KIAA2012: variants seen among roughly 807,000 people sequenced by gnomAD.
KIAA2012 encodes the protein uncharacterized protein KIAA2012.
A neutral mutation model predicts 150.6 loss-of-function variants in KIAA2012; 125 were observed. The observed-to-expected ratio is 0.83, with a 90% CI of 0.72 to 0.96. The LOEUF (loss-of-function observed/expected upper bound fraction) is 0.96, where lower values mean the gene tolerates loss of function less well. KIAA2012 is among the 40% of genes least tolerant of loss of function. The pLI is 0.00. For synonymous variants in KIAA2012, 462 were observed against 504.7 expected, an observed-to-expected ratio of 0.92 and a Z score of 1.13; for missense variants, 1,219 against 1,354.9, an observed-to-expected ratio of 0.90 and a Z score of 1.57.
chr2:202,085,346 G>A (rs1016319583), intron 2 of KIAA2012, among the ~76,000 whole-genome samples: 3 of 152,200 alleles, frequency 2.0e-5, no homozygotes, highest in Admixed American at 6.5e-5. Flanking sequence ...GCCTCGAAAT[G>A]GGGATATTAT....
intron 12 of KIAA2012, chr2:202,136,390 G>C (rs1247096954): frequency 6.5e-6 from 1 of 152,960 alleles, no homozygotes; most frequent in Non-Finnish European, 1.5e-5. Context: ...GAGCTGATTG[G>C]TCCGTTTTGA....
At chr2:202,174,423 C>T (rs1223210423) in intron 15 of KIAA2012, among the ~76,000 whole-genome samples, 1 of 152,022 alleles carries the variant, frequency 6.6e-6, no homozygotes, top group Non-Finnish European at 1.5e-5. Context: ...GTATTATTTC[C>T]AGACTATATT....
chr2:202,100,281 T>C, intron 6 of KIAA2012, 26 bp from the exon 7 acceptor site: 1 of 1,545,230 alleles, frequency 6.5e-7, no homozygotes, highest in Non-Finnish European at 8.7e-7. Context: ...AATTAATATA[T>C]TCTCATTCTC....
chr2:202,114,077 A>G (rs1458504469), intron 11 of KIAA2012: 2 of 152,392 alleles, frequency 1.3e-5, no homozygotes, highest in East Asian at 3.8e-4. Flanking sequence ...GGAGATTAAA[A>G]GCTGCACTCA....
Position 202,074,999 on chromosome 2 carries a change from A to G in KIAA2012, c.193A>G (p.Ser65Gly), listed in dbSNP as rs1689291429. 6.4e-7 allele frequency: 1 copy of G among 1,550,628 alleles called. No individual in the cohort carries two copies. The highest frequency in any genetic ancestry group is 1.4e-5 in the African/African-American group (1 of 73,040). The change falls in exon 2 of 24, where the codon AGT becomes GGT. Residue 65 changes from serine (S) to glycine (G), a missense_variant. Transcript: ENST00000498697. ...SWSLFLPKTFSTRKGALILYS... is the reference protein window; with the variant it reads ...SWSLFLPKTFGTRKGALILYS... ...GAGCCTCTTTCTCCCTAAAACTTTC[A>G]GTACTAGAAAGGGTGCCCTGATCCT...
intron 15 of KIAA2012, among the ~76,000 whole-genome samples, chr2:202,174,333 G>A (rs1363007435): frequency 6.6e-6 from 1 of 152,074 alleles, no homozygotes; most frequent in African/African-American, 2.4e-5. Context: ...ATTCAACATT[G>A]TACTAGCAAT....
intron 12 of KIAA2012, among the ~76,000 whole-genome samples, chr2:202,133,711 G>A (rs1334673445): frequency 1.3e-5 from 2 of 152,040 alleles, no homozygotes; most frequent in Non-Finnish European, 2.9e-5. Flanking sequence ...CCTCATTCAG[G>A]AAGATTTAAA....
At position 202,090,813 on chromosome 2, in the gene KIAA2012, G is replaced by A; in HGVS notation, c.413G>A (p.Ser138Asn). ...TGGCAACCATACCTCCACTTCCGAA[G>A]CCAGCTGGAGAGCCAGGCCCAACGG... ...RAWQPYLHFR[S>N]QLESQAQRQI... Residue 138 changes from serine to asparagine, a missense_variant, in exon 3 of 24, where the codon AGC becomes AAC. Physicochemically the swap from Ser to Asn is conservative, Grantham distance 46. Coordinates refer to ENST00000498697, the MANE Select transcript of KIAA2012 (RefSeq NM_001277372.4). 6.4e-7 allele frequency: 1 copy of A among 1,550,590 alleles called. No homozygotes were observed. The highest frequency in any genetic ancestry group is 8.7e-7 in the Non-Finnish European group (1 of 1,146,968).
intron 13 of KIAA2012, among the ~76,000 whole-genome samples, chr2:202,153,234 C>A (rs1379017131): frequency 1.3e-5 from 2 of 152,148 alleles, no homozygotes; most frequent in Admixed American, 1.3e-4. Context: ...GCCATGGTTC[C>A]TGCCTTCAGG....
At chr2:202,143,674 A>G (rs928079424) in intron 13 of KIAA2012, among the ~76,000 whole-genome samples, 2 of 152,174 alleles carry the variant, frequency 1.3e-5, no homozygotes, top group Non-Finnish European at 2.9e-5. Context: ...AGTGTATACA[A>G]CAAGTATTCA....
chr2:202,136,127 G>A (rs762542518), intron 12 of KIAA2012: 20 of 291,488 alleles, frequency 6.9e-5, no homozygotes, highest in Non-Finnish European at 1.3e-4. Context: ...TAAAGGTGGT[G>A]TGTCCAGAGT....
In KIAA2012 at chr2:202,194,301, G is replaced by A. The variant is rs1434044501; in HGVS notation, c.3126G>A (p.Glu1042=). The change falls in exon 21 of 24, where the codon GAG becomes GAA. Residue 1042 remains glutamate (E), a synonymous_variant. Coordinates refer to ENST00000498697, the MANE Select transcript of KIAA2012 (RefSeq NM_001277372.4). Reference sequence around the variant, plus strand: ...AGAGAGCCCGGCAACAGCAAGAGGAGTTTCGGAGGAAACTGCGAGAACTAC... The same window carrying A: ...AGAGAGCCCGGCAACAGCAAGAGGAATTTCGGAGGAAACTGCGAGAACTAC... ...AQERARQQQE[E]FRRKLRELQR... 11 of 1,550,472 alleles carry A rather than the reference G, an allele frequency of 7.1e-6. No individual in the cohort carries two copies. The Admixed American group carries it at 2.0e-4, about 28-fold the overall frequency.
intron 13 of KIAA2012, among the ~76,000 whole-genome samples, chr2:202,150,523 A>G (rs1389804775): frequency 3.3e-5 from 5 of 151,886 alleles, no homozygotes; most frequent in East Asian, 1.9e-4. Context: ...ATCTCCGCTC[A>G]CTATAACGCT....
At chr2:202,108,085 G>A (rs1690247667) in intron 9 of KIAA2012, among the ~76,000 whole-genome samples, 1 of 152,096 alleles carries the variant, frequency 6.6e-6, no homozygotes, top group Non-Finnish European at 1.5e-5. Context: ...CCTGCTGCAC[G>A]GGCATATTGA....
At chr2:202,185,470 G>T (rs1232574576) in intron 16 of KIAA2012, among the ~76,000 whole-genome samples, 1 of 152,106 alleles carries the variant, frequency 6.6e-6, no homozygotes, top group Non-Finnish European at 1.5e-5. Flanking sequence ...TCCCTCCTAG[G>T]TCAAAAAGGT....
intron 3 of KIAA2012, among the ~76,000 whole-genome samples, chr2:202,091,415 T>TA (rs1689716611): frequency 6.6e-6 from 1 of 152,070 alleles, no homozygotes; most frequent in African/African-American, 2.4e-5. Flanking sequence ...TGATCCCAGG[T>TA]CCTCCCGGAA....
chr2:202,138,954 G>A (rs566320781), intron 13 of KIAA2012, among the ~76,000 whole-genome samples: 7 of 152,192 alleles, frequency 4.6e-5, no homozygotes, highest in African/African-American at 1.2e-4. Flanking sequence ...TTCTATTAGC[G>A]GGCCAGTCAC....
chr2:202,173,542 C>A (rs79697466), intron 15 of KIAA2012, among the ~76,000 whole-genome samples: 7,088 of 152,082 alleles, frequency 0.047, 558 homozygotes, highest in African/African-American at 0.16. Flanking sequence ...GCACTCCAGC[C>A]CGGGCAACAA....
chr2:202,139,591 G>A (rs9678868), intron 13 of KIAA2012, among the ~76,000 whole-genome samples: 52,807 of 152,058 alleles, frequency 0.35, 9,449 homozygotes, highest in East Asian at 0.6. Context: ...TTTCATCTGC[G>A]TGCCTGAGCT....
Sources: gnomAD v4.1 joint callset for allele counts (sites outside exome capture counted in the v4.1 genomes callset) on GRCh38, gnomAD v4.1.1 for gene constraint, MANE v1.5 for transcripts, NCBI Gene and HGNC (gene_info 2026-07-23, HGNC 2026-07-21) for gene names.